Variants in NAV3 observed in about 807,000 individuals in gnomAD.
NAV3 encodes neuron navigator 3, also known as pore membrane and/or filament interacting like protein 1.
In NAV3, 87 loss-of-function variants were observed where a neutral mutation model predicts 244.7. That is an observed-to-expected ratio of 0.36 (90% CI 0.30 to 0.42). The LOEUF is 0.42. Ranked by LOEUF, NAV3 falls within the 20% of genes least tolerant of loss-of-function variation. NAV3 has a pLI of 1.00. For missense variants in NAV3, 2,663 were observed against 2,893.3 expected, an observed-to-expected ratio of 0.92 and a Z score of 1.83; for synonymous variants, 1,126 against 1,042.2, an observed-to-expected ratio of 1.08 and a Z score of -1.55.
intron 2 of NAV3, among the ~76,000 whole-genome samples, chr12:77,590,671 C>T (rs866601122): frequency 1.3e-5 from 2 of 152,176 alleles, no homozygotes; most frequent in South Asian, 2.1e-4. Context: ...AAGACCCGCA[C>T]ACTTGTGGTG....
chr12:77,600,655 G>A (rs1870386209), intron 2 of NAV3, among the ~76,000 whole-genome samples: 1 of 151,908 alleles, frequency 6.6e-6, no homozygotes, highest in Non-Finnish European at 1.5e-5. Flanking sequence ...GTCTCGCAAG[G>A]ATCTAAAGGA....
chr12:77,709,299 A>G (rs568197945), intron 2 of NAV3, among the ~76,000 whole-genome samples: 2 of 152,362 alleles, frequency 1.3e-5, no homozygotes, highest in East Asian at 3.9e-4. Flanking sequence ...GATGGGACGT[A>G]TCTCAAAATA....
At chr12:77,711,215 C>T (rs1022436151) in intron 2 of NAV3, among the ~76,000 whole-genome samples, 1 of 152,178 alleles carries the variant, frequency 6.6e-6, no homozygotes, top group Non-Finnish European at 1.5e-5. Flanking sequence ...TACTTTGCGT[C>T]AGAATTACCA....
intron 31 of NAV3, among the ~76,000 whole-genome samples, chr12:78,186,563 G>A (rs1172179265): frequency 6.6e-6 from 1 of 151,790 alleles, no homozygotes; most frequent in Non-Finnish European, 1.5e-5. Flanking sequence ...AACTAACTTT[G>A]ATTTAAAAGC....
At chr12:77,931,631 C>A (rs10859683) in intron 1 of NAV3, among the ~76,000 whole-genome samples, 35,001 of 151,868 alleles carry the variant, frequency 0.23, 4,660 homozygotes, top group East Asian at 0.33. Context: ...CTTTGGGAGG[C>A]CCAGGCAGGC....
chr12:78,006,153 T>C (rs775498200), intron 7 of NAV3, among the ~76,000 whole-genome samples: 3 of 152,110 alleles, frequency 2.0e-5, no homozygotes, highest in Non-Finnish European at 4.4e-5. Flanking sequence ...GACTAGCAAA[T>C]TTATTTGGGT....
chr12:77,868,631 C>T lies in NAV3; in HGVS notation c.243+36927C>T, dbSNP rs986310462. ...ATAAGCAGGGCATGGTGGCACACAC[C>T]TGTAGTCCCAGCTCCTCAGGTGGCT... On this transcript the variant is annotated intron_variant, in intron 1 of 39. Transcript: ENST00000397909. Among the ~76,000 whole-genome samples, 4 of 151,640 alleles carry T rather than the reference C, an allele frequency of 2.6e-5. No homozygotes were observed. The South Asian group carries it at 8.3e-4, about 32-fold the overall frequency.
chr12:78,013,602 C>CTTTCT (rs1875678476), intron 8 of NAV3, among the ~76,000 whole-genome samples: 1 of 152,058 alleles, frequency 6.6e-6, no homozygotes, highest in African/African-American at 2.4e-5. Flanking sequence ...TCTTGAATGT[C>CTTTCT]AGAAACTTGG....
intron 2 of NAV3, among the ~76,000 whole-genome samples, chr12:77,667,652 G>C (rs993419286): frequency 6.6e-6 from 1 of 152,004 alleles, no homozygotes; most frequent in African/African-American, 2.4e-5. Flanking sequence ...GCCCCAACCT[G>C]GTAGTCTTTC....
intron 2 of NAV3, among the ~76,000 whole-genome samples, chr12:77,657,133 A>C (rs1357948218): frequency 6.6e-6 from 1 of 152,232 alleles, no homozygotes; most frequent in Non-Finnish European, 1.5e-5. Context: ...AAATAGAGAC[A>C]CAAAAAACCC....
At chr12:78,199,552 A>T (rs374261107) in intron 37 of NAV3, 21 bp downstream of exon 37, 1 of 1,538,662 alleles carries the variant, frequency 6.5e-7, no homozygotes, top group Non-Finnish European at 8.7e-7. Flanking sequence ...AAATTATAAT[A>T]TGCCATTTTC....
chr12:77,641,627 A>G (rs921055766), intron 2 of NAV3, among the ~76,000 whole-genome samples: 1 of 152,168 alleles, frequency 6.6e-6, no homozygotes, highest in East Asian at 1.9e-4. Flanking sequence ...AGCTTGTAAC[A>G]AAGTGGCTTC....
At chr12:77,695,571 G>C (rs888581731) in intron 2 of NAV3, among the ~76,000 whole-genome samples, 2 of 152,040 alleles carry the variant, frequency 1.3e-5, no homozygotes, top group African/African-American at 4.8e-5. Flanking sequence ...GCCAGGACTT[G>C]TTTAAAACTT....
intron 2 of NAV3, among the ~76,000 whole-genome samples, chr12:77,616,754 G>A (rs1018503137): frequency 6.8e-6 from 1 of 147,078 alleles, no homozygotes; most frequent in South Asian, 2.2e-4. Context: ...ACACACACAC[G>A]ATTATGTATT....
At chr12:77,677,474 C>G (rs1874256938) in intron 2 of NAV3, among the ~76,000 whole-genome samples, 1 of 152,154 alleles carries the variant, frequency 6.6e-6, no homozygotes, top group African/African-American at 2.4e-5. Flanking sequence ...ACAAGGGTCC[C>G]AACACATATT....
intron 2 of NAV3, among the ~76,000 whole-genome samples, chr12:77,787,986 T>C (rs978608204): frequency 1.3e-5 from 2 of 152,156 alleles, no homozygotes; most frequent in African/African-American, 4.8e-5. Flanking sequence ...AAAAGGTGAT[T>C]AAGAGACGGT....
At chr12:77,665,634 A>G (rs696466) in intron 2 of NAV3, among the ~76,000 whole-genome samples, 4,587 of 152,288 alleles carry the variant, frequency 0.03, 78 homozygotes, top group Middle Eastern at 0.041. Context: ...ATAAATATAA[A>G]CTATTAAACA....
chr12:78,146,739 A>C (rs1956879542), intron 21 of NAV3, among the ~76,000 whole-genome samples: 1 of 152,076 alleles, frequency 6.6e-6, no homozygotes, highest in African/African-American at 2.4e-5. Context: ...GACCATCTAC[A>C]CAGGATAATG....
chr12:78,144,392 T>TA (rs538026481), intron 20 of NAV3, among the ~76,000 whole-genome samples: 23 of 149,714 alleles, frequency 1.5e-4, no homozygotes, highest in Middle Eastern at 3.4e-3. Context: ...AAACCATTGT[T>TA]AAAAAAAAAA....
Sources: gnomAD v4.1 joint callset for allele counts (sites outside exome capture counted in the v4.1 genomes callset) on GRCh38, gnomAD v4.1.1 for gene constraint, MANE v1.5 for transcripts, NCBI Gene and HGNC (gene_info 2026-07-23, HGNC 2026-07-21) for gene names.